Variants in CDK14 observed in about 807,000 individuals in gnomAD.
The protein encoded by CDK14 is cyclin-dependent kinase 14.
In CDK14, 34 loss-of-function variants were observed where a neutral mutation model predicts 60.7. The ratio of observed to expected loss-of-function variants is 0.56; its 90% CI spans 0.43 to 0.75. The LOEUF (loss-of-function observed/expected upper bound fraction) is 0.75, where lower values mean the gene tolerates loss of function less well. Ranked by LOEUF, CDK14 falls within the 30% of genes least tolerant of loss-of-function variation. The pLI, the probability that CDK14 is intolerant of heterozygous loss-of-function variation, is 0.00. For synonymous variants in CDK14, 197 were observed against 203.7 expected (o/e 0.97, Z 0.28); for missense variants, 482 against 564.1 (o/e 0.85, Z 1.47).
At chr7:90,983,506 C>T (rs889309244) in intron 9 of CDK14, among the ~76,000 whole-genome samples, 2 of 151,900 alleles carry the variant, frequency 1.3e-5, no homozygotes, top group South Asian at 2.1e-4. Context: ...GGTGAAACCC[C>T]GTCTCTACTA....
At chr7:91,198,648 C>A (rs1802625593) in intron 14 of CDK14, among the ~76,000 whole-genome samples, 1 of 152,166 alleles carries the variant, frequency 6.6e-6, no homozygotes, top group Non-Finnish European at 1.5e-5. Context: ...ATGCTGACAT[C>A]ATTCTGTATT....
chr7:90,933,334 G>A (rs1026719665), intron 8 of CDK14, among the ~76,000 whole-genome samples: 7 of 152,032 alleles, frequency 4.6e-5, no homozygotes, highest in Admixed American at 2.6e-4. Context: ...GCTACCTTAG[G>A]GTGTAAAGAT....
At chr7:90,930,426 T>C (rs1793553630) in intron 8 of CDK14, among the ~76,000 whole-genome samples, 1 of 152,092 alleles carries the variant, frequency 6.6e-6, no homozygotes. Context: ...TTTTGAAAGA[T>C]GCCTGTGTAT....
At chr7:91,035,358 C>G (rs1803195014) in intron 10 of CDK14, among the ~76,000 whole-genome samples, 1 of 152,188 alleles carries the variant, frequency 6.6e-6, no homozygotes, top group African/African-American at 2.4e-5. Flanking sequence ...CATAAAGGTG[C>G]TGATTCCATT....
intron 6 of CDK14, among the ~76,000 whole-genome samples, chr7:90,873,857 C>T (rs367722992): frequency 3.3e-5 from 5 of 152,132 alleles, no homozygotes; most frequent in South Asian, 2.1e-4. Flanking sequence ...TCAAAACAAA[C>T]GTACTCACCT....
intron 5 of CDK14, among the ~76,000 whole-genome samples, chr7:90,795,632 A>G (rs1424836473): frequency 1.3e-5 from 2 of 152,056 alleles, no homozygotes; most frequent in Non-Finnish European, 2.9e-5. Flanking sequence ...AGGTAGAACA[A>G]TAGGTTTTTG....
chr7:91,071,073 C>T (rs1462638187), intron 11 of CDK14, among the ~76,000 whole-genome samples: 1 of 151,984 alleles, frequency 6.6e-6, no homozygotes, highest in East Asian at 1.9e-4. Context: ...AAATGTCATA[C>T]CATATTTACA....
chr7:90,953,262 A>G (rs192699068), intron 8 of CDK14, among the ~76,000 whole-genome samples: 5 of 152,366 alleles, frequency 3.3e-5, no homozygotes, highest in East Asian at 1.9e-4. Flanking sequence ...TCTTAAAAAT[A>G]TAATAACATT....
intron 2 of CDK14, among the ~76,000 whole-genome samples, chr7:90,615,579 A>AT (rs983824455): frequency 3.3e-5 from 5 of 151,928 alleles, no homozygotes; most frequent in African/African-American, 4.8e-5. Flanking sequence ...ATGTTTTGGT[A>AT]TTTTTTTTGA....
intron 14 of CDK14, among the ~76,000 whole-genome samples, chr7:91,168,327 T>C (rs1225758009): frequency 6.6e-6 from 1 of 152,136 alleles, no homozygotes; most frequent in East Asian, 1.9e-4. Context: ...AAATTAACTT[T>C]TGTAATGTAG....
intron 10 of CDK14, among the ~76,000 whole-genome samples, chr7:91,022,807 T>A (rs1002055058): frequency 6.6e-6 from 1 of 152,178 alleles, no homozygotes; most frequent in East Asian, 1.9e-4. Context: ...TTTGTTTCCA[T>A]TGTATTGTTT....
At chr7:90,766,001 C>T (rs950899305) in intron 4 of CDK14, among the ~76,000 whole-genome samples, 1 of 152,146 alleles carries the variant, frequency 6.6e-6, no homozygotes, top group African/African-American at 2.4e-5. Flanking sequence ...TATGAAATAG[C>T]TCTTTTTATT....
At chr7:90,812,746 T>C (rs181802350) in intron 5 of CDK14, among the ~76,000 whole-genome samples, 1 of 152,362 alleles carries the variant, frequency 6.6e-6, no homozygotes, top group African/African-American at 2.4e-5. Flanking sequence ...ATAACGGTTA[T>C]AATTGAGGGG....
chr7:91,192,078 C>T (rs1438502099), intron 14 of CDK14, among the ~76,000 whole-genome samples: 1 of 152,042 alleles, frequency 6.6e-6, no homozygotes, highest in Non-Finnish European at 1.5e-5. Flanking sequence ...AGAGCGATAC[C>T]ACATAACCAA....
chr7:91,059,389 T>C (rs1266297180), intron 11 of CDK14, among the ~76,000 whole-genome samples: 1 of 152,186 alleles, frequency 6.6e-6, no homozygotes, highest in East Asian at 1.9e-4. Context: ...AAGGGTTTTT[T>C]GTGTCTCTAT....
Position 90,747,714 on chromosome 7 carries a change from T to C in CDK14, c.403T>C (p.Tyr135His). Residue 135 changes from tyrosine (Y) to histidine (H), a missense_variant, in exon 4 of 15, where the codon TAT becomes CAT. Tyr to His is a moderately conservative substitution (Grantham distance 83, BLOSUM62 2). Transcript: ENST00000380050. ...TCCCAAATTTGGAAAAGCTGACTCA[T>C]ATGAAAAGCTGGAAAAACTAGGGGA... is the stretch of plus-strand genomic sequence containing the variant. ...TSPKFGKADS[Y>H]EKLEKLGEGS... is the part of the protein sequence containing the mutation. 6.3e-7 allele frequency: 1 copy of C among 1,598,352 alleles called. No individual in the cohort carries two copies. The highest frequency in any genetic ancestry group is 8.5e-7 in the Non-Finnish European group (1 of 1,174,690).
rs138555563 is a variant in CDK14 at position 90,639,160 on chromosome 7, T to C, written c.123+34911T>C. ...AAAGTCATTCTCCTTCCAGCTTTGA[T>C]CTGTTGCTGGTGAGGAACTGCGTTC... is the stretch of plus-strand genomic sequence containing the variant. On this transcript the variant is annotated intron_variant, in intron 2 of 14. Transcript: ENST00000380050. Among the ~76,000 whole-genome samples, 1,043 of 152,326 alleles carry C rather than the reference T, an allele frequency of 6.8e-3. 3 individuals are homozygous for C. The highest frequency in any genetic ancestry group is 0.011 in the Non-Finnish European group (782 of 68,034).
Position 90,774,438 on chromosome 7 carries a change from C to T in CDK14, c.465-16135C>T, listed in dbSNP as rs144287633. Among the ~76,000 whole-genome samples, 628 of 152,250 alleles carry T rather than the reference C, an allele frequency of 4.1e-3. 1 individual carries two copies. The highest frequency in any genetic ancestry group is 0.014 in the African/African-American group (598 of 41,536). ...TATTTTTAGAACAGACCTTTAGATT[C>T]AGGTAATCAGTGATGCCATATAGCA... On this transcript the variant is annotated intron_variant, in intron 4 of 14. Transcript: ENST00000380050.
At chr7:90,694,216 A>ATG (rs1801612232) in intron 2 of CDK14, among the ~76,000 whole-genome samples, 1 of 152,200 alleles carries the variant, frequency 6.6e-6, no homozygotes, top group African/African-American at 2.4e-5. Flanking sequence ...ATCAAATAAG[A>ATG]TGTTAAGAGT....
Sources: gnomAD v4.1 joint callset for allele counts (sites outside exome capture counted in the v4.1 genomes callset) on GRCh38, gnomAD v4.1.1 for gene constraint, MANE v1.5 for transcripts, NCBI Gene and HGNC (gene_info 2026-07-23, HGNC 2026-07-21) for gene names.